The following FAM184A variants were observed in gnomAD, a reference collection of about 807,000 sequenced individuals.
FAM184A encodes the protein protein FAM184A.
A neutral mutation model predicts 143.8 loss-of-function variants in FAM184A; 99 were observed. That is an observed-to-expected ratio of 0.69 (90% confidence interval 0.58 to 0.81). The LOEUF (loss-of-function observed/expected upper bound fraction) is 0.81, where lower values mean the gene tolerates loss of function less well. Ranked by LOEUF, FAM184A falls within the 40% of genes least tolerant of loss-of-function variation. FAM184A has a pLI of 0.00. For missense variants in FAM184A, 1,217 were observed against 1,310.5 expected, an observed-to-expected ratio of 0.93 and a Z score of 1.10; for synonymous variants, 427 against 446.4, an observed-to-expected ratio of 0.96 and a Z score of 0.55.
At chr6:119,080,105 A>G (rs945197), upstream of FAM184A, among the ~76,000 whole-genome samples, 4,850 of 152,346 alleles carry the variant, frequency 0.032, 540 homozygotes, top group Admixed American at 0.21. Flanking sequence ...TTTACGTTCT[A>G]AGCAGAAATG....
At chr6:118,979,093 T>A (rs929712284) in intron 11 of FAM184A, among the ~76,000 whole-genome samples, 4 of 152,204 alleles carry the variant, frequency 2.6e-5, no homozygotes, top group African/African-American at 9.6e-5. Context: ...GACACCTCAA[T>A]GTCCTGAGTC....
At chr6:118,965,205 G>GTTTTTTTTTTTTTTTTTT (rs5879475) in intron 15 of FAM184A, among the ~76,000 whole-genome samples, 1 of 131,034 alleles carries the variant, frequency 7.6e-6, no homozygotes. Flanking sequence ...TTTTTTGTTT[G>GTTTTTTTTTTTTTTTTTT]TTTTTTTTTT....
At chr6:118,965,011 T>C (rs892958890) in intron 15 of FAM184A, among the ~76,000 whole-genome samples, 3 of 152,338 alleles carry the variant, frequency 2.0e-5, no homozygotes, top group Non-Finnish European at 4.4e-5. Flanking sequence ...AAAGTGGACC[T>C]AAATGTTTTA....
chr6:119,052,576 C>G (rs2114749846), intron 1 of FAM184A, among the ~76,000 whole-genome samples: 1 of 152,304 alleles, frequency 6.6e-6, no homozygotes, highest in South Asian at 2.1e-4. Flanking sequence ...CCCTTGCTTG[C>G]AGCCTGCCGA....
At chr6:118,971,942 C>G (rs1334968386) in intron 14 of FAM184A, among the ~76,000 whole-genome samples, 1 of 152,166 alleles carries the variant, frequency 6.6e-6, no homozygotes, top group African/African-American at 2.4e-5. Context: ...CCCTTCAGCC[C>G]CCAGCACCAC....
intron 14 of FAM184A, 107 bp downstream of exon 14, chr6:118,974,321 T>G: frequency 1.8e-6 from 2 of 1,114,224 alleles, no homozygotes; most frequent in African/African-American, 1.6e-5. Context: ...ATTTTCTTTT[T>G]AAAGTATCCT....
At chr6:118,970,669 C>G (rs1422192634) in intron 14 of FAM184A, among the ~76,000 whole-genome samples, 5 of 152,046 alleles carry the variant, frequency 3.3e-5, no homozygotes, top group Admixed American at 6.6e-5. Context: ...GAATACCACA[C>G]AAGTGTAGCC....
chr6:118,970,649 G>C (rs984423490), intron 14 of FAM184A, among the ~76,000 whole-genome samples: 1 of 152,154 alleles, frequency 6.6e-6, no homozygotes, highest in African/African-American at 2.4e-5. Flanking sequence ...CCTGGGAAAT[G>C]CCGCCTTGAG....
At chr6:118,974,348 A>G (rs1783782588) in intron 14 of FAM184A, 80 bp downstream of exon 14, 1 of 1,340,196 alleles carries the variant, frequency 7.5e-7, no homozygotes, top group African/African-American at 1.5e-5. Context: ...TAGAGTCAAA[A>G]TAACAGCTAA....
chr6:119,040,839 C>CT, intron 1 of FAM184A, among the ~76,000 whole-genome samples: 1 of 152,212 alleles, frequency 6.6e-6, no homozygotes, highest in African/African-American at 2.4e-5. Context: ...AAGTTAGCAC[C>CT]ACTTTAGGAG....
At position 119,036,686 on chromosome 6, in the gene FAM184A, T is replaced by C. The variant is rs530399800; in HGVS notation, c.160-11873A>G. ...ACAAAAATCAAAACAACAAACATTTTGTGAATGCTCAGTACTTTTTTATAT... is the reference window on the plus strand; with the variant it reads ...ACAAAAATCAAAACAACAAACATTTCGTGAATGCTCAGTACTTTTTTATAT... On this transcript the variant is annotated intron_variant, in intron 1 of 17. Coordinates refer to ENST00000338891, the MANE Select transcript of FAM184A (RefSeq NM_024581.6). Among the ~76,000 whole-genome samples, 13 of 152,298 alleles carry C rather than the reference T, an allele frequency of 8.5e-5. No individual in the cohort carries two copies. In the East Asian group the frequency reaches 2.3e-3, roughly 27 times the overall value.
chr6:119,113,043 T>A (rs1582627057), intron 1 of FAM184A, among the ~76,000 whole-genome samples: 1 of 143,230 alleles, frequency 7.0e-6, no homozygotes, highest in Non-Finnish European at 1.5e-5. Context: ...TGGCTGCCAG[T>A]CCCCTTGCTG....
chr6:118,976,051 T>C lies in FAM184A; in HGVS notation c.2456-7A>G. The stretch of plus-strand genomic sequence containing the variant: ...AGTTCTGAGCGCAAGGAAGCTGGAA[T>C]TGCAAGGCAAAAATACATTTGGCAC... On this transcript the variant is annotated splice_region_variant and splice_polypyrimidine_tract_variant and intron_variant, in intron 11 of 17. Coordinates refer to ENST00000338891, the MANE Select transcript of FAM184A (RefSeq NM_024581.6). 1 of 1,607,968 alleles carries C rather than the reference T, an allele frequency of 6.2e-7. No individual in the cohort carries two copies.
At chr6:119,049,234 G>A (rs898557523) in intron 1 of FAM184A, among the ~76,000 whole-genome samples, 10 of 152,296 alleles carry the variant, frequency 6.6e-5, no homozygotes, top group African/African-American at 2.4e-4. Context: ...GATCACCTGA[G>A]GTCAGGAGTT....
At chr6:119,120,630 G>C (rs1205241265) in intron 1 of FAM184A, among the ~76,000 whole-genome samples, 1 of 152,038 alleles carries the variant, frequency 6.6e-6, no homozygotes, top group Non-Finnish European at 1.5e-5. Context: ...AACGTATGAG[G>C]GTTCAAATTT....
chr6:119,035,459 T>C (rs1000259479), intron 1 of FAM184A, among the ~76,000 whole-genome samples: 1 of 152,164 alleles, frequency 6.6e-6, no homozygotes, highest in African/African-American at 2.4e-5. Context: ...TGAAAGAAAC[T>C]GAAGTATTTC....
chr6:119,120,824 C>CT (rs1554198031), intron 1 of FAM184A, among the ~76,000 whole-genome samples: 12 of 130,348 alleles, frequency 9.2e-5, no homozygotes, highest in Admixed American at 3.2e-4. Flanking sequence ...TTCTTTCTTT[C>CT]TTCCTTTCTT....
chr6:119,133,979 G>A (rs1236137799), intron 1 of FAM184A, among the ~76,000 whole-genome samples: 1 of 151,756 alleles, frequency 6.6e-6, no homozygotes, highest in African/African-American at 2.4e-5. Context: ...CTCATGCACA[G>A]CGAGTAAGCA....
At chr6:118,977,867 T>A (rs1414590268) in intron 11 of FAM184A, among the ~76,000 whole-genome samples, 4 of 152,376 alleles carry the variant, frequency 2.6e-5, no homozygotes, top group African/African-American at 9.6e-5. Context: ...CTCTGTAGTA[T>A]TTCTTAAAAC....
Sources: gnomAD v4.1 joint callset for allele counts (sites outside exome capture counted in the v4.1 genomes callset) on GRCh38, gnomAD v4.1.1 for gene constraint, MANE v1.5 for transcripts, NCBI Gene and HGNC (gene_info 2026-07-23, HGNC 2026-07-21) for gene names.